The following PDE1A variants were observed in gnomAD, a reference collection of about 807,000 sequenced individuals.
PDE1A encodes the protein dual specificity calcium/calmodulin-dependent 3',5'-cyclic nucleotide phosphodiesterase 1A.
A neutral mutation model predicts 61.7 loss-of-function variants in PDE1A; 35 were observed. The ratio of observed to expected loss-of-function variants is 0.57; its 90% CI spans 0.43 to 0.75. PDE1A has a LOEUF of 0.75. PDE1A is among the 30% of genes least tolerant of loss of function. The pLI, the probability that PDE1A is intolerant of heterozygous loss-of-function variation, is 0.00. For missense variants in PDE1A, 597 were observed against 630.6 expected, an observed-to-expected ratio of 0.95 and a Z score of 0.57; for synonymous variants, 232 against 213.2, an observed-to-expected ratio of 1.09 and a Z score of -0.77.
upstream of PDE1A, among the ~76,000 whole-genome samples, chr2:182,526,555 G>C (rs1006617836): frequency 6.6e-6 from 1 of 152,158 alleles, no homozygotes; most frequent in African/African-American, 2.4e-5. Context: ...TTCTCTCTCA[G>C]CTTAGTCTCT....
chr2:182,640,848 C>G, the PDE1A span, among the ~76,000 whole-genome samples: 1 of 151,688 alleles, frequency 6.6e-6, no homozygotes, highest in African/African-American at 2.4e-5. Context: ...AGTAAAACCT[C>G]GTTTCTACTA....
chr2:182,485,431 G>T (rs947106715), intron 2 of PDE1A, among the ~76,000 whole-genome samples: 6 of 151,942 alleles, frequency 3.9e-5, no homozygotes, highest in African/African-American at 1.2e-4. Flanking sequence ...CTTAATACCT[G>T]GGTGATGAAA....
chr2:182,459,637 C>G (rs1686147827), intron 2 of PDE1A, among the ~76,000 whole-genome samples: 1 of 152,074 alleles, frequency 6.6e-6, no homozygotes, highest in Admixed American at 6.6e-5. Flanking sequence ...GTTGACTAAG[C>G]CTAGGCCCCT....
chr2:182,266,936 C>T (rs956097048), intron 1 of PDE1A, among the ~76,000 whole-genome samples: 1 of 152,072 alleles, frequency 6.6e-6, no homozygotes. Context: ...GATGCAAGAA[C>T]AACAAAAATT....
At chr2:182,332,422 A>G (rs181669157) in intron 1 of PDE1A, among the ~76,000 whole-genome samples, 234 of 152,266 alleles carry the variant, frequency 1.5e-3, no homozygotes, top group African/African-American at 5.4e-3. Context: ...CCTTTGGAGG[A>G]GAAGAGAAGT....
chr2:182,499,173 GTTTTTTTTTTTT>G (rs545033513), intron 2 of PDE1A, among the ~76,000 whole-genome samples: 1 of 77,306 alleles, frequency 1.3e-5, no homozygotes, highest in Non-Finnish European at 2.3e-5. Flanking sequence ...TCTTTTTCTT[GTTTTTTTTTTTT>G]TTTTTTTTTG....
At chr2:182,273,255 T>A (rs1334271029) in intron 1 of PDE1A, among the ~76,000 whole-genome samples, 2 of 152,090 alleles carry the variant, frequency 1.3e-5, no homozygotes, top group Non-Finnish European at 2.9e-5. Flanking sequence ...GTGACTTAAC[T>A]TAGAAGTCAG....
At chr2:182,610,535 A>T in the PDE1A span, among the ~76,000 whole-genome samples, 1 of 151,658 alleles carries the variant, frequency 6.6e-6, no homozygotes, top group Non-Finnish European at 1.5e-5. Flanking sequence ...AAGTCAGATT[A>T]AAAAAAAAGA....
At chr2:182,515,991 T>C (rs1210522535) in intron 2 of PDE1A, among the ~76,000 whole-genome samples, 1 of 149,340 alleles carries the variant, frequency 6.7e-6, no homozygotes, top group Non-Finnish European at 1.5e-5. Flanking sequence ...TGTGTGTGTG[T>C]GTGTGTGTGT....
intron 6 of PDE1A, among the ~76,000 whole-genome samples, chr2:182,224,922 C>T (rs566108534): frequency 7.2e-5 from 11 of 151,926 alleles, no homozygotes; most frequent in South Asian, 4.1e-4. Flanking sequence ...CTTGATGGTA[C>T]GAATGCGGAA....
chr2:182,528,648 T>C, the PDE1A span, among the ~76,000 whole-genome samples: 1 of 152,182 alleles, frequency 6.6e-6, no homozygotes, highest in Non-Finnish European at 1.5e-5. Context: ...GAGACCTTTG[T>C]GGCAGCCCCT....
intron 2 of PDE1A, among the ~76,000 whole-genome samples, chr2:182,448,206 T>G (rs1272834349): frequency 6.6e-6 from 1 of 152,138 alleles, no homozygotes; most frequent in Non-Finnish European, 1.5e-5. Flanking sequence ...TCAGTAACTT[T>G]TGATTTTATG....
chr2:182,712,750 G>T, the PDE1A span, among the ~76,000 whole-genome samples: 1 of 151,994 alleles, frequency 6.6e-6, no homozygotes, highest in Non-Finnish European at 1.5e-5. Context: ...TAGAGATGGG[G>T]TTTCACTGTG....
At chr2:182,655,927 T>A in the PDE1A span, among the ~76,000 whole-genome samples, 1 of 152,356 alleles carries the variant, frequency 6.6e-6, no homozygotes, top group South Asian at 2.1e-4. Flanking sequence ...ATTCTCTGGC[T>A]GCAGGAGATA....
the PDE1A span, among the ~76,000 whole-genome samples, chr2:182,689,744 G>A: frequency 1.3e-5 from 2 of 152,228 alleles, no homozygotes; most frequent in East Asian, 3.9e-4. Flanking sequence ...CCAGTAGCTG[G>A]TTTTTTGAAA....
At chr2:182,301,372 G>A (rs978533268) in intron 1 of PDE1A, among the ~76,000 whole-genome samples, 1 of 152,126 alleles carries the variant, frequency 6.6e-6, no homozygotes, top group Non-Finnish European at 1.5e-5. Context: ...CTAACAGGTG[G>A]AATACATGGC....
the PDE1A span, among the ~76,000 whole-genome samples, chr2:182,628,878 A>C: frequency 6.6e-6 from 1 of 152,096 alleles, no homozygotes; most frequent in African/African-American, 2.4e-5. Context: ...GGGACATGCA[A>C]CTTTCTTCTA....
the PDE1A span, among the ~76,000 whole-genome samples, chr2:182,671,807 G>A: frequency 1.2e-5 from 1 of 84,706 alleles, no homozygotes; most frequent in African/African-American, 3.6e-5. Context: ...TTTTAGTAGA[G>A]ACAGAGTTTC....
the PDE1A span, among the ~76,000 whole-genome samples, chr2:182,657,350 A>G: frequency 5.5e-3 from 836 of 152,366 alleles, 6 homozygotes; most frequent in Non-Finnish European, 9.0e-3. Context: ...CCTCTACCAA[A>G]TATTCCAACT....
Sources: allele counts gnomAD v4.1 joint callset (sites outside exome capture counted in the v4.1 genomes callset), GRCh38; gene constraint gnomAD v4.1.1; transcripts MANE v1.5; gene names NCBI Gene and HGNC (gene_info 2026-07-23, HGNC 2026-07-21).